The following RNF128 variants were observed in gnomAD, a reference collection of about 807,000 sequenced individuals.
RNF128 encodes the protein E3 ubiquitin-protein ligase RNF128.
Under a neutral mutation model 26.2 loss-of-function variants are expected in RNF128, and 13 were observed. The observed-to-expected ratio is 0.50, with a 90% CI of 0.32 to 0.79. The LOEUF (loss-of-function observed/expected upper bound fraction) is 0.79, where lower values mean the gene tolerates loss of function less well. Ranked by LOEUF, RNF128 falls within the 30% of genes least tolerant of loss-of-function variation. The pLI is 0.03. For missense variants in RNF128, 315 were observed against 349.7 expected (o/e 0.90, Z 0.79); for synonymous variants, 149 against 142.5 (o/e 1.05, Z -0.32).
At chrX:106,789,095 A>G (rs1396119437) in intron 4 of RNF128, among the ~76,000 whole-genome samples, 5 of 85,736 alleles carry the variant, frequency 5.8e-5, no homozygotes, top group Admixed American at 1.5e-4. Context: ...AGTATATAGT[A>G]TATATATACT....
At chrX:106,701,341 G>T (rs1259387494) in intron 1 of RNF128, among the ~76,000 whole-genome samples, 1 of 111,383 alleles carries the variant, frequency 9.0e-6, no homozygotes, top group East Asian at 2.8e-4. Flanking sequence ...AAGCTTCTGG[G>T]AGATAGTCTT....
chrX:106,723,301 G>A (rs1929344825), upstream of RNF128, among the ~76,000 whole-genome samples: 1 of 111,650 alleles, frequency 9.0e-6, no homozygotes, highest in East Asian at 2.8e-4. Flanking sequence ...TGGCGCGGTG[G>A]CTCACGCCTG....
At chrX:106,735,325 G>A (rs770048799) in intron 1 of RNF128, among the ~76,000 whole-genome samples, 2 of 111,103 alleles carry the variant, frequency 1.8e-5, no homozygotes, top group Non-Finnish European at 3.8e-5. Context: ...TTTGAAAGAA[G>A]ATAGTCCTTG....
chrX:106,709,055 C>T (rs1316099425), intron 1 of RNF128, among the ~76,000 whole-genome samples: 3 of 111,265 alleles, frequency 2.7e-5, no homozygotes, highest in Non-Finnish European at 5.7e-5. Flanking sequence ...GAGTGCTAAC[C>T]ATTCTCCAAA....
At chrX:106,759,574 A>C (rs1185108924) in intron 1 of RNF128, among the ~76,000 whole-genome samples, 1 of 112,120 alleles carries the variant, frequency 8.9e-6, no homozygotes, top group African/African-American at 3.2e-5. Flanking sequence ...AAAATGTGGT[A>C]CTTACACACA....
At chrX:106,745,309 A>G (rs746425167) in intron 1 of RNF128, among the ~76,000 whole-genome samples, 2 of 111,755 alleles carry the variant, frequency 1.8e-5, no homozygotes, top group African/African-American at 3.2e-5. Context: ...TTTGGGTCAC[A>G]TTCCCTGCGA....
At chrX:106,789,111 CTA>C (rs1285870195) in intron 4 of RNF128, among the ~76,000 whole-genome samples, 1 of 82,562 alleles carries the variant, frequency 1.2e-5, no homozygotes, top group African/African-American at 4.5e-5. Context: ...ATACTATATA[CTA>C]TATATACTAT....
chrX:106,774,918 T>G (rs1364001537), intron 2 of RNF128, among the ~76,000 whole-genome samples: 1 of 112,404 alleles, frequency 8.9e-6, no homozygotes, highest in Non-Finnish European at 1.9e-5. Flanking sequence ...CAGTGAGGAT[T>G]TTTATATAGC....
chrX:106,737,011 G>A (rs1929611787), intron 1 of RNF128, among the ~76,000 whole-genome samples: 1 of 111,256 alleles, frequency 9.0e-6, no homozygotes, highest in Admixed American at 9.6e-5. Context: ...TGCTGGTTTA[G>A]GGAGTTTTAA....
chrX:106,757,871 A>T (rs1012166240), intron 1 of RNF128, among the ~76,000 whole-genome samples: 14 of 112,242 alleles, frequency 1.2e-4, no homozygotes, highest in African/African-American at 4.2e-4. Flanking sequence ...CTTTCCTTTA[A>T]TACCTGGAAC....
chrX:106,728,301 C>T (rs1929444213), intron 1 of RNF128, among the ~76,000 whole-genome samples: 1 of 111,691 alleles, frequency 9.0e-6, no homozygotes, highest in African/African-American at 3.3e-5. Flanking sequence ...TTTTTAAGAG[C>T]TGGGCCTCAA....
intron 1 of RNF128, among the ~76,000 whole-genome samples, chrX:106,759,693 C>A (rs966565303): frequency 4.5e-5 from 5 of 111,949 alleles, no homozygotes; most frequent in African/African-American, 1.6e-4. Flanking sequence ...CACAGAAAGA[C>A]AAACTTTGCA....
At chrX:106,768,681 G>T (rs1188598609) in intron 1 of RNF128, among the ~76,000 whole-genome samples, 1 of 111,251 alleles carries the variant, frequency 9.0e-6, no homozygotes, top group African/African-American at 3.3e-5. Flanking sequence ...TGGATTCATT[G>T]ATTTTTTGAA....
intron 1 of RNF128, among the ~76,000 whole-genome samples, chrX:106,770,365 G>A (rs764426772): frequency 1.4e-4 from 16 of 111,733 alleles, no homozygotes; most frequent in African/African-American, 4.6e-4. Context: ...CATTCTCCCC[G>A]TCACTTTCAG....
intron 1 of RNF128, among the ~76,000 whole-genome samples, chrX:106,734,550 T>G (rs1929556627): frequency 8.9e-6 from 1 of 112,006 alleles, no homozygotes; most frequent in African/African-American, 3.2e-5. Flanking sequence ...TACCCCAAAG[T>G]TTATTTGATA....
At chrX:106,696,875 C>T (rs1480047651) in intron 1 of RNF128, among the ~76,000 whole-genome samples, 1 of 111,939 alleles carries the variant, frequency 8.9e-6, no homozygotes, top group East Asian at 2.8e-4. Flanking sequence ...CCATGGAAAA[C>T]CACAGGGCAT....
chrX:106,752,238 A>C (rs748161424), intron 1 of RNF128, among the ~76,000 whole-genome samples: 1 of 112,244 alleles, frequency 8.9e-6, no homozygotes, highest in Admixed American at 9.4e-5. Flanking sequence ...GCCTTGGGCA[A>C]AACCCAGAAC....
At chrX:106,738,921 T>A (rs187819908) in intron 1 of RNF128, among the ~76,000 whole-genome samples, 11 of 111,831 alleles carry the variant, frequency 9.8e-5, no homozygotes, top group Admixed American at 7.6e-4. Flanking sequence ...AGATTGGCAG[T>A]GTATATCACT....
intron 1 of RNF128, among the ~76,000 whole-genome samples, chrX:106,740,098 C>T (rs1457140716): frequency 9.0e-6 from 1 of 111,502 alleles, no homozygotes; most frequent in African/African-American, 3.3e-5. Context: ...TTTGAATGCC[C>T]CTTTATGACC....
Sources: gnomAD v4.1 joint callset for allele counts (sites outside exome capture counted in the v4.1 genomes callset) on GRCh38, gnomAD v4.1.1 for gene constraint, MANE v1.5 for transcripts, NCBI Gene and HGNC (gene_info 2026-07-23, HGNC 2026-07-21) for gene names.